The following INPP4A variants were observed in gnomAD, a reference collection of about 807,000 sequenced individuals.
INPP4A encodes the protein inositol polyphosphate-4-phosphatase, type I, 107kD.
A neutral mutation model predicts 119.8 loss-of-function variants in INPP4A; 33 were observed. That is an observed-to-expected ratio of 0.28 (90% CI 0.21 to 0.37). The LOEUF is 0.37. Ranked by LOEUF, INPP4A falls within the 10% of genes least tolerant of loss-of-function variation. The probability of loss-of-function intolerance (pLI) is 1.00; values close to 1 mark genes in which losing one functional copy is unlikely to be tolerated. For missense variants in INPP4A, 956 were observed against 1,289.9 expected (o/e 0.74, Z 3.97); for synonymous variants, 496 against 500.7 (o/e 0.99, Z 0.12).
At chr2:98,491,272 G>A (rs938519909) in intron 1 of INPP4A, among the ~76,000 whole-genome samples, 1 of 152,228 alleles carries the variant, frequency 6.6e-6, no homozygotes, top group Non-Finnish European at 1.5e-5. Flanking sequence ...TTCCCTGAAA[G>A]CATGCTGCTC....
chr2:98,458,872 A>G (rs1352692852), intron 1 of INPP4A, among the ~76,000 whole-genome samples: 1 of 152,168 alleles, frequency 6.6e-6, no homozygotes, highest in Non-Finnish European at 1.5e-5. Context: ...CAGGGAGAGA[A>G]GTACAGCGGA....
At chr2:98,572,538 T>C (rs568922227) in intron 22 of INPP4A, among the ~76,000 whole-genome samples, 1 of 152,352 alleles carries the variant, frequency 6.6e-6, no homozygotes, top group South Asian at 2.1e-4. Flanking sequence ...CATGGGTATT[T>C]ACAAGGAGTC....
chr2:98,544,139 A>T lies in INPP4A; in HGVS notation c.949+132A>T, dbSNP rs1019909293. ...AACACAGGGTCACTTACACATTCCCACTGACAGACACTTTAATGGATTTTT... is the reference window on the plus strand; with the variant it reads ...AACACAGGGTCACTTACACATTCCCTCTGACAGACACTTTAATGGATTTTT... On this transcript the variant is annotated intron_variant, in intron 11 of 24. Transcript: ENST00000409851. The T allele has an allele frequency of 5.6e-6, 4 of 711,864 alleles. No individual in the cohort carries two copies. The African/African-American group carries it at 7.1e-5, about 13-fold the overall frequency. The allele number at this position is 711,864 out of a possible 1,614,324, so 44.1% of individuals were successfully genotyped here. A position where few individuals can be genotyped will look rare whatever the true frequency, so the allele number is the denominator to read the frequency against.
Position 98,535,724 on chromosome 2 carries a change from T to A in INPP4A, c.271-5T>A. 7.3e-7 allele frequency: 1 copy of A among 1,377,574 alleles called. No individual in the cohort carries two copies. The highest frequency in any genetic ancestry group is 1.0e-6 in the Non-Finnish European group (1 of 980,552). 85.3% of individuals were successfully genotyped at this position (1,377,574 alleles called of 1,614,324 possible). ...GTGTTCTGATTATTTCCTTTTCTGT[T>A]CTAGGGAACCAACAATCCTATATTT... On this transcript the variant is annotated splice_region_variant and splice_polypyrimidine_tract_variant and intron_variant, in intron 5 of 24. Coordinates refer to ENST00000409851, the MANE Select transcript of INPP4A (RefSeq NM_001134225.2).
chr2:98,468,123 A>T (rs1474059416), intron 1 of INPP4A, among the ~76,000 whole-genome samples: 1 of 152,260 alleles, frequency 6.6e-6, no homozygotes, highest in Non-Finnish European at 1.5e-5. Flanking sequence ...TGAATTTGTA[A>T]TAACCCTGAG....
At chr2:98,581,886 C>T (rs1575184827) in intron 24 of INPP4A, 1 of 1,382,450 alleles carries the variant, frequency 7.2e-7, no homozygotes, top group Non-Finnish European at 9.4e-7. Flanking sequence ...TCATGCCTTA[C>T]ATTTTGACGT....
chr2:98,500,645 TAAGAGGAAACATTGAGAGTAA>T (rs1682939685), intron 1 of INPP4A, among the ~76,000 whole-genome samples: 1 of 151,954 alleles, frequency 6.6e-6, no homozygotes, highest in Non-Finnish European at 1.5e-5. Context: ...GGGAACTTAC[TAAGAGGAAACATTGAGAGTAA>T]AGTGGATTCT....
rs1275884195 is a variant in INPP4A at position 98,589,796 on chromosome 2, C to T, written c.*2188C>T. On this transcript the variant is annotated 3_prime_UTR_variant, in exon 25 of 25. Coordinates refer to ENST00000409851, the MANE Select transcript of INPP4A (RefSeq NM_001134225.2). ...CAGGGAAGGCAGTTTTACAGGTTAC[C>T]GTAAAACAGAGGTTCCGTCCAGTGT... The T allele has an allele frequency of 5.4e-5, 10 of 185,714 alleles. No homozygotes were observed. The highest frequency in any genetic ancestry group is 8.6e-5 in the East Asian group (1 of 11,564). 11.5% of individuals were successfully genotyped at this position (185,714 alleles called of 1,614,324 possible). A position where few individuals can be genotyped will look rare whatever the true frequency, so the allele number is the denominator to read the frequency against.
intron 24 of INPP4A, among the ~76,000 whole-genome samples, chr2:98,585,662 G>A (rs1263293147): frequency 6.6e-6 from 1 of 152,240 alleles, no homozygotes; most frequent in Non-Finnish European, 1.5e-5. Context: ...GTGTCGGCAT[G>A]TGGATCAGCC....
intron 1 of INPP4A, among the ~76,000 whole-genome samples, chr2:98,453,454 T>C (rs575825115): frequency 6.6e-6 from 1 of 152,384 alleles, no homozygotes; most frequent in South Asian, 2.1e-4. Context: ...CATCTAGTTA[T>C]TCACATGTAG....
chr2:98,449,703 G>T (rs535919308), intron 1 of INPP4A, among the ~76,000 whole-genome samples: 4 of 152,278 alleles, frequency 2.6e-5, no homozygotes, highest in Admixed American at 6.5e-5. Flanking sequence ...CTTCTCAGGG[G>T]ATAGATGCTC....
chr2:98,504,866 G>A (rs1683755474), intron 1 of INPP4A, among the ~76,000 whole-genome samples: 1 of 152,186 alleles, frequency 6.6e-6, no homozygotes, highest in African/African-American at 2.4e-5. Flanking sequence ...TGATGTGTGT[G>A]GTGTTAATCT....
intron 4 of INPP4A, among the ~76,000 whole-genome samples, chr2:98,523,996 C>A (rs1267536595): frequency 1.3e-5 from 2 of 152,112 alleles, no homozygotes; most frequent in Non-Finnish European, 2.9e-5. Flanking sequence ...TGGCAAAATA[C>A]CTTTTTTAAT....
intron 24 of INPP4A, among the ~76,000 whole-genome samples, chr2:98,586,768 C>T (rs990766131): frequency 6.6e-6 from 1 of 152,184 alleles, no homozygotes; most frequent in Admixed American, 6.5e-5. Flanking sequence ...GGCTCAGTGG[C>T]ACCTGTGCAA....
intron 1 of INPP4A, among the ~76,000 whole-genome samples, chr2:98,455,152 AC>A (rs1410197844): frequency 9.2e-5 from 14 of 152,180 alleles, no homozygotes; most frequent in African/African-American, 3.4e-4. Flanking sequence ...GGCCTGAGCA[AC>A]AAAGCAAGAC....
Position 98,519,949 on chromosome 2 carries a change from T to C in INPP4A, c.-100T>C. Reference sequence around the variant, plus strand: ...TTACAAGTGCTCCTTTTCTCAGGGCTACTGCCACTTTAGTGGACTAGGGCT... The same window carrying C: ...TTACAAGTGCTCCTTTTCTCAGGGCCACTGCCACTTTAGTGGACTAGGGCT... On this transcript the variant is annotated 5_prime_UTR_variant, in exon 3 of 25. Transcript: ENST00000409851. 1 of 855,984 alleles carries C rather than the reference T, an allele frequency of 1.2e-6. No homozygotes were observed. The highest frequency in any genetic ancestry group is 1.9e-6 in the Non-Finnish European group (1 of 514,910). The allele number at this position is 855,984 out of a possible 1,614,324, so 53.0% of individuals were successfully genotyped here.
chr2:98,507,955 C>T (rs147345784), intron 1 of INPP4A, among the ~76,000 whole-genome samples: 159 of 152,296 alleles, frequency 1.0e-3, no homozygotes, highest in African/African-American at 3.6e-3. Flanking sequence ...ATGATGGCAT[C>T]GTCACTGCAT....
At chr2:98,512,981 T>A (rs1273397775) in intron 1 of INPP4A, among the ~76,000 whole-genome samples, 1 of 152,344 alleles carries the variant, frequency 6.6e-6, no homozygotes, top group East Asian at 1.9e-4. Flanking sequence ...AGAAGCATAT[T>A]TGACTTTGTT....
chr2:98,481,555 A>G (rs527679054), intron 1 of INPP4A, among the ~76,000 whole-genome samples: 13 of 152,336 alleles, frequency 8.5e-5, no homozygotes, highest in Non-Finnish European at 5.9e-5. Flanking sequence ...GGTTTTAGAT[A>G]TAAAGATTCA....
Sources: allele counts gnomAD v4.1 joint callset (sites outside exome capture counted in the v4.1 genomes callset), GRCh38; gene constraint gnomAD v4.1.1; transcripts MANE v1.5; gene names NCBI Gene and HGNC (gene_info 2026-07-23, HGNC 2026-07-21).